Variants in COL25A1 observed in about 807,000 individuals in gnomAD.
The protein encoded by COL25A1 is collagen type XXV alpha 1 chain, also known as collagen alpha-1(XXV) chain.
Under a neutral mutation model 128.4 loss-of-function variants are expected in COL25A1, and 103 were observed. The observed-to-expected ratio is 0.80, with a 90% CI of 0.68 to 0.94. The LOEUF (loss-of-function observed/expected upper bound fraction) is 0.94, where lower values mean the gene tolerates loss of function less well. COL25A1 is among the 40% of genes least tolerant of loss of function. COL25A1 has a pLI of 0.00. For missense variants in COL25A1, 745 were observed against 840.0 expected, an observed-to-expected ratio of 0.89 and a Z score of 1.40; for synonymous variants, 279 against 277.2, an observed-to-expected ratio of 1.01 and a Z score of -0.06.
At chr4:109,146,624 G>A (rs1169626108) in intron 3 of COL25A1, among the ~76,000 whole-genome samples, 8 of 152,094 alleles carry the variant, frequency 5.3e-5, no homozygotes, top group Admixed American at 5.2e-4. Context: ...GGCTGAAATG[G>A]TCAAACACTT....
intron 3 of COL25A1, among the ~76,000 whole-genome samples, chr4:109,202,023 T>C (rs1776594645): frequency 6.6e-6 from 1 of 152,098 alleles, no homozygotes; most frequent in Non-Finnish European, 1.5e-5. Flanking sequence ...GAAAACTCAA[T>C]ATCCTTAAGA....
chr4:109,205,526 A>T (rs1452285061), intron 3 of COL25A1, among the ~76,000 whole-genome samples: 1 of 152,184 alleles, frequency 6.6e-6, no homozygotes, highest in African/African-American at 2.4e-5. Flanking sequence ...ATTGGAAAAT[A>T]AAAACAGTCA....
intron 6 of COL25A1, among the ~76,000 whole-genome samples, chr4:109,009,168 A>AAG (rs1756342010): frequency 6.6e-6 from 1 of 152,186 alleles, no homozygotes; most frequent in Non-Finnish European, 1.5e-5. Flanking sequence ...AAACTATGCG[A>AAG]AGCATCTTTT....
intron 18 of COL25A1, among the ~76,000 whole-genome samples, chr4:108,886,452 G>GTT (rs1740787604): frequency 1.2e-5 from 1 of 86,124 alleles, no homozygotes; most frequent in African/African-American, 3.9e-5. Context: ...TTGTGTGTGT[G>GTT]TGTGTGTGTG....
chr4:109,122,707 A>G (rs1001460849), intron 3 of COL25A1, among the ~76,000 whole-genome samples: 1 of 152,092 alleles, frequency 6.6e-6, no homozygotes, highest in Non-Finnish European at 1.5e-5. Flanking sequence ...GGACATTTGG[A>G]GCTGTGAATG....
At chr4:109,029,789 A>C (rs1454699579) in intron 5 of COL25A1, among the ~76,000 whole-genome samples, 1 of 152,202 alleles carries the variant, frequency 6.6e-6, no homozygotes, top group Non-Finnish European at 1.5e-5. Flanking sequence ...AAAACTCAGA[A>C]ATACAGAGTA....
At chr4:109,082,896 A>G (rs1350894885) in intron 3 of COL25A1, among the ~76,000 whole-genome samples, 1 of 152,200 alleles carries the variant, frequency 6.6e-6, no homozygotes, top group East Asian at 1.9e-4. Context: ...AATAGTTAAT[A>G]GAAACTGATA....
intron 3 of COL25A1, among the ~76,000 whole-genome samples, chr4:109,096,155 G>A (rs1163196549): frequency 6.6e-6 from 1 of 152,140 alleles, no homozygotes; most frequent in African/African-American, 2.4e-5. Context: ...GCAAAATAAT[G>A]TATTGCCTGT....
chr4:108,994,398 G>A (rs937920284), intron 6 of COL25A1, among the ~76,000 whole-genome samples: 1 of 152,216 alleles, frequency 6.6e-6, no homozygotes, highest in Non-Finnish European at 1.5e-5. Context: ...CAGCTTGATG[G>A]GGGGAGGGGC....
intron 3 of COL25A1, among the ~76,000 whole-genome samples, chr4:109,158,610 T>A (rs1772253984): frequency 6.6e-6 from 1 of 152,128 alleles, no homozygotes; most frequent in Admixed American, 6.6e-5. Flanking sequence ...CTCAAGACTA[T>A]CCATAAAGGG....
chr4:108,987,454 C>T (rs1753764530), intron 6 of COL25A1, among the ~76,000 whole-genome samples: 1 of 151,746 alleles, frequency 6.6e-6, no homozygotes, highest in African/African-American at 2.4e-5. Context: ...CTGCTCACTG[C>T]AACCTCCGCC....
intron 5 of COL25A1, among the ~76,000 whole-genome samples, chr4:109,011,464 G>T (rs926026799): frequency 6.6e-6 from 1 of 152,182 alleles, no homozygotes; most frequent in African/African-American, 2.4e-5. Flanking sequence ...CCAAGTCACT[G>T]CAGATGTTAC....
chr4:109,290,538 A>C (rs1578651710), intron 3 of COL25A1, among the ~76,000 whole-genome samples: 1 of 152,114 alleles, frequency 6.6e-6, no homozygotes, highest in South Asian at 2.1e-4. Context: ...ACTAAGTCAC[A>C]CTTGTCAGAC....
chr4:109,076,112 T>C (rs1763354772), intron 3 of COL25A1, among the ~76,000 whole-genome samples: 1 of 152,204 alleles, frequency 6.6e-6, no homozygotes, highest in African/African-American at 2.4e-5. Context: ...ATGCATAGCT[T>C]ATATGCAAAT....
intron 11 of COL25A1, among the ~76,000 whole-genome samples, chr4:108,934,806 T>C (rs1747210309): frequency 1.3e-5 from 2 of 152,232 alleles, no homozygotes; most frequent in Admixed American, 1.3e-4. Context: ...TAAGAAAATC[T>C]GATTTATACA....
At chr4:109,170,249 C>T (rs1773464126) in intron 3 of COL25A1, among the ~76,000 whole-genome samples, 2 of 152,084 alleles carry the variant, frequency 1.3e-5, no homozygotes, top group South Asian at 4.1e-4. Context: ...ATGAAAATTA[C>T]TGATAAAATT....
chr4:109,189,388 A>C (rs1333904570), intron 3 of COL25A1, among the ~76,000 whole-genome samples: 1 of 151,870 alleles, frequency 6.6e-6, no homozygotes, highest in Non-Finnish European at 1.5e-5. Context: ...TCTCTACTAA[A>C]AACACAAAAA....
chr4:109,053,050 T>A (rs1024315082), intron 3 of COL25A1, among the ~76,000 whole-genome samples: 1 of 151,806 alleles, frequency 6.6e-6, no homozygotes, highest in Non-Finnish European at 1.5e-5. Context: ...AGAAAATGAA[T>A]GGGAAGAGAA....
intron 3 of COL25A1, among the ~76,000 whole-genome samples, chr4:109,072,178 T>C (rs543679265): frequency 2.0e-5 from 3 of 152,328 alleles, no homozygotes; most frequent in African/African-American, 7.2e-5. Flanking sequence ...TTCCAAAATA[T>C]ATATACTAAT....
Sources: allele counts gnomAD v4.1 joint callset (sites outside exome capture counted in the v4.1 genomes callset), GRCh38; gene constraint gnomAD v4.1.1; transcripts MANE v1.5; gene names NCBI Gene and HGNC (gene_info 2026-07-23, HGNC 2026-07-21).